The following MYLK variants were observed in gnomAD, a reference collection of about 807,000 sequenced individuals.
MYLK encodes myosin light chain kinase, smooth muscle.
A neutral mutation model predicts 203.4 loss-of-function variants in MYLK; 106 were observed. The ratio of observed to expected loss-of-function variants is 0.52; its 90% CI spans 0.45 to 0.61. The LOEUF (loss-of-function observed/expected upper bound fraction) is 0.61. Ranked by LOEUF, MYLK falls within the 20% of genes least tolerant of loss-of-function variation. The pLI is 0.00. For synonymous variants in MYLK, 867 were observed against 959.5 expected, an observed-to-expected ratio of 0.90 and a Z score of 1.78; for missense variants, 2,072 against 2,442.3, an observed-to-expected ratio of 0.85 and a Z score of 3.20.
intron 3 of MYLK, among the ~76,000 whole-genome samples, chr3:123,814,414 C>T (rs2065671366): frequency 6.6e-6 from 1 of 152,164 alleles, no homozygotes. Context: ...GTTGAACTCA[C>T]CCGAGTTCCC....
chr3:123,697,514 A>T (rs1374403732), intron 18 of MYLK, among the ~76,000 whole-genome samples: 1 of 152,208 alleles, frequency 6.6e-6, no homozygotes, highest in East Asian at 1.9e-4. Context: ...AATAATAGGA[A>T]TTAACTAAGA....
intron 30 of MYLK, among the ~76,000 whole-genome samples, chr3:123,627,412 C>T (rs1343595966): frequency 2.6e-5 from 4 of 152,188 alleles, no homozygotes; most frequent in Non-Finnish European, 2.9e-5. Flanking sequence ...TAATGTCTTA[C>T]GGTGTTGTTG....
chr3:123,627,091 T>C, intron 30 of MYLK, 150 bp from the exon 31 acceptor site: 1 of 873,310 alleles, frequency 1.1e-6, no homozygotes, highest in Non-Finnish European at 1.8e-6. Flanking sequence ...TCAGGATCAC[T>C]GTGCTCTTCA....
At chr3:123,857,748 GTAAC>G (rs2031540446) in intron 2 of MYLK, among the ~76,000 whole-genome samples, 1 of 151,616 alleles carries the variant, frequency 6.6e-6, no homozygotes, top group Non-Finnish European at 1.5e-5. Flanking sequence ...GTATACATAT[GTAAC>G]TAACCTGCAC....
chr3:123,825,077 C>T (rs1453368389), intron 3 of MYLK, among the ~76,000 whole-genome samples: 1 of 149,724 alleles, frequency 6.7e-6, no homozygotes, highest in Non-Finnish European at 1.5e-5. Context: ...CCTGAGAGGT[C>T]GAGGCTGCAG....
At position 123,722,125 on chromosome 3, in the gene MYLK, T is replaced by G; in HGVS notation, c.1804+3A>C. On this transcript the variant is annotated splice_donor_region_variant and intron_variant, in intron 13 of 33. Transcript: ENST00000360304. ...TTCTACCCAGGTGCCCAGAGGCTCC[T>G]ACCATGGACGGTGACCCAGGCGCTG... is the stretch of plus-strand genomic sequence containing the variant. The G allele has an allele frequency of 6.4e-7, 1 of 1,564,342 alleles. No individual in the cohort carries two copies. The highest frequency in any genetic ancestry group is 8.7e-7 in the Non-Finnish European group (1 of 1,154,294).
chr3:123,735,713 C>A, intron 8 of MYLK: 2 of 393,690 alleles, frequency 5.1e-6, no homozygotes, highest in East Asian at 4.3e-5. Context: ...GACAAACAAA[C>A]ATCTACTGAA....
chr3:123,752,144 G>T (rs4677901), intron 5 of MYLK, among the ~76,000 whole-genome samples, 187 bp downstream of exon 5: 136,392 of 152,054 alleles, frequency 0.9, 62,898 homozygotes, highest in East Asian at 1. Context: ...ATCATCTCCT[G>T]GATGCCTCCC....
intron 10 of MYLK, among the ~76,000 whole-genome samples, chr3:123,733,454 A>G (rs1447559559): frequency 6.6e-6 from 1 of 152,172 alleles, no homozygotes; most frequent in Non-Finnish European, 1.5e-5. Context: ...CAGGGCCAGT[A>G]CTCTATCCAA....
intron 8 of MYLK, 192 bp downstream of exon 8, chr3:123,737,186 T>C (rs1203962946): frequency 1.6e-5 from 10 of 621,716 alleles, no homozygotes; most frequent in Non-Finnish European, 1.4e-5. Context: ...GTCACTGCAC[T>C]CCAGCATGGG....
intron 19 of MYLK, among the ~76,000 whole-genome samples, chr3:123,686,832 T>C (rs2060475303): frequency 6.6e-6 from 1 of 152,202 alleles, no homozygotes; most frequent in Non-Finnish European, 1.5e-5. Context: ...CAGGTTGAAC[T>C]ACACCATTCG....
intron 18 of MYLK, 35 bp from the exon 19 acceptor site, chr3:123,692,886 G>A: frequency 6.4e-7 from 1 of 1,568,886 alleles, no homozygotes; most frequent in Non-Finnish European, 8.8e-7. Flanking sequence ...AACCAGGTGT[G>A]GTCGTAGTAC....
At chr3:123,857,440 A>C (rs1027964909) in intron 2 of MYLK, among the ~76,000 whole-genome samples, 64 of 152,140 alleles carry the variant, frequency 4.2e-4, no homozygotes, top group Middle Eastern at 6.8e-3. Flanking sequence ...AATGTGGCAC[A>C]TATACACCAT....
intron 19 of MYLK, among the ~76,000 whole-genome samples, chr3:123,686,270 G>A (rs781777126): frequency 2.0e-5 from 3 of 152,114 alleles, no homozygotes; most frequent in Non-Finnish European, 2.9e-5. Context: ...GAGGTGTGAG[G>A]AAGTGGGGGG....
chr3:123,815,431 A>C (rs1383945225), intron 3 of MYLK, among the ~76,000 whole-genome samples: 1 of 151,670 alleles, frequency 6.6e-6, no homozygotes, highest in Non-Finnish European at 1.5e-5. Context: ...AAAGGATCCA[A>C]GCTTCGAGAA....
chr3:123,682,182 CCTGCCT>C (rs764255860), intron 20 of MYLK, 36 bp downstream of exon 20: 26 of 1,526,820 alleles, frequency 1.7e-5, no homozygotes, highest in Non-Finnish European at 2.0e-5. Flanking sequence ...GGTGCCTGCC[CCTGCCT>C]CTGCCTCTGC....
chr3:123,613,043 T>G lies in MYLK; in HGVS notation c.*1062A>C, dbSNP rs1173258290. Reference sequence around the variant, plus strand: ...GGGGCAAGGCATGATTGATGCACATTTAAGAAGAAAAATATGGAACCCATA... The same window carrying G: ...GGGGCAAGGCATGATTGATGCACATGTAAGAAGAAAAATATGGAACCCATA... On this transcript the variant is annotated 3_prime_UTR_variant, in exon 34 of 34. Transcript: ENST00000360304. 6.6e-6 allele frequency: 1 copy of G among 152,552 alleles called. No homozygotes were observed. The highest frequency in any genetic ancestry group is 1.9e-4 in the East Asian group (1 of 5,206). The allele number at this position is 152,552 out of a possible 1,614,324, so 9.4% of individuals were successfully genotyped here.
intron 18 of MYLK, among the ~76,000 whole-genome samples, chr3:123,698,115 C>A (rs1576608488): frequency 6.6e-6 from 1 of 152,092 alleles, no homozygotes; most frequent in South Asian, 2.1e-4. Flanking sequence ...TGGGTTTAAA[C>A]CCCATGCAAG....
chr3:123,707,029 G>A (rs1269936272), intron 16 of MYLK, among the ~76,000 whole-genome samples: 1 of 152,196 alleles, frequency 6.6e-6, no homozygotes, highest in African/African-American at 2.4e-5. Context: ...CCAAGGGTAG[G>A]TCTTAAAAGA....
Sources: allele counts gnomAD v4.1 joint callset (sites outside exome capture counted in the v4.1 genomes callset), GRCh38; gene constraint gnomAD v4.1.1; transcripts MANE v1.5; gene names NCBI Gene and HGNC (gene_info 2026-07-23, HGNC 2026-07-21).